Variants in NOM1 observed in about 807,000 individuals in gnomAD.
NOM1 encodes nucleolar protein with MIF4G domain 1.
NOM1 carries 58 observed loss-of-function variants against 73.3 expected under a neutral mutation model. The observed-to-expected ratio is 0.79, with a 90% confidence interval of 0.64 to 0.99. The LOEUF (loss-of-function observed/expected upper bound fraction) is 0.99, where lower values mean the gene tolerates loss of function less well. Ranked by LOEUF, NOM1 falls within the 50% of genes least tolerant of loss-of-function variation. The pLI is 0.00. For missense variants in NOM1, 1,226 were observed against 1,131.9 expected (o/e 1.08, Z -1.19); for synonymous variants, 487 against 446.8 (o/e 1.09, Z -1.14).
chr7:156,955,605 G>A (rs574965864), intron 3 of NOM1, among the ~76,000 whole-genome samples: 3 of 152,034 alleles, frequency 2.0e-5, no homozygotes, highest in South Asian at 2.1e-4. Flanking sequence ...ATATACTTTC[G>A]TCTCCTCCTC....
At chr7:156,966,016 T>C in intron 7 of NOM1, 1 of 514,824 alleles carries the variant, frequency 1.9e-6, no homozygotes, top group South Asian at 2.8e-5. Flanking sequence ...AGCTGTCGAC[T>C]TTTGCAGCGA....
chr7:156,953,608 A>T (rs1023358570), intron 2 of NOM1, among the ~76,000 whole-genome samples: 1 of 151,692 alleles, frequency 6.6e-6, no homozygotes, highest in Non-Finnish European at 1.5e-5. Flanking sequence ...TGTCGAGTTC[A>T]GTATTAGCAC....
Position 156,950,675 on chromosome 7 carries a change from A to G in NOM1, c.938A>G (p.Asp313Gly). The change falls in exon 1 of 11, where the codon GAT becomes GGT. Residue 313 changes from aspartate (D) to glycine (G), a missense_variant. Asp to Gly is a moderately conservative substitution (Grantham distance 94). Coordinates refer to ENST00000275820, the MANE Select transcript of NOM1 (RefSeq NM_138400.2). The stretch of plus-strand genomic sequence containing the variant: ...GGGAAGAGAGTCCGTTTTGCAGAAG[A>G]TGAAGAAAAGAGTGAAAATTCCTCG... ...RRGKRVRFAE[D>G]EEKSENSSED... is the part of the protein sequence containing the mutation. 2 of 1,552,070 alleles carry G rather than the reference A, an allele frequency of 1.3e-6. No homozygotes were observed. Among genetic ancestry groups the G allele is most frequent in the Non-Finnish European group, 1.7e-6 (2 of 1,147,110 alleles).
chr7:156,957,647 T>C (rs6459718), intron 3 of NOM1, among the ~76,000 whole-genome samples: 118,041 of 151,656 alleles, frequency 0.78, 46,027 homozygotes, highest in Admixed American at 0.85. Context: ...TGGTGGCAGG[T>C]GCCTATAGTC....
At chr7:156,968,235 G>A (rs974929372) in intron 9 of NOM1, among the ~76,000 whole-genome samples, 3 of 152,156 alleles carry the variant, frequency 2.0e-5, no homozygotes, top group African/African-American at 7.2e-5. Flanking sequence ...CCCAGGCATT[G>A]CGCTCATCCT....
At chr7:156,960,796 C>G (rs1365994344) in intron 4 of NOM1, among the ~76,000 whole-genome samples, 1 of 152,070 alleles carries the variant, frequency 6.6e-6, no homozygotes. Flanking sequence ...CACTTTGACT[C>G]CAAGGCAGAA....
In NOM1 at chr7:156,970,531, C is replaced by T. The variant is rs982576712; in HGVS notation, c.*828C>T. 1.2e-4 allele frequency: 19 copies of T among 152,154 alleles called. No individual in the cohort carries two copies. The highest frequency in any genetic ancestry group is 4.6e-4 in the African/African-American group (19 of 41,384). 9.4% of individuals were successfully genotyped at this position (152,154 alleles called of 1,614,324 possible). ...TCAAGCGATTCTCCTGCCTCAGCCTCTTTAGCTGGGACTACAGGCGCACGC... is the reference window on the plus strand; with the variant it reads ...TCAAGCGATTCTCCTGCCTCAGCCTTTTTAGCTGGGACTACAGGCGCACGC... On this transcript the variant is annotated 3_prime_UTR_variant, in exon 11 of 11. Transcript: ENST00000275820.
At chr7:156,962,385 A>G (rs375255107) in intron 5 of NOM1, 124 bp downstream of exon 5, 1 of 786,138 alleles carries the variant, frequency 1.3e-6, no homozygotes. Context: ...GAGAGTGCTC[A>G]GAGGCAGAGT....
chr7:156,963,437 C>A (rs928107555), intron 6 of NOM1: 3 of 525,532 alleles, frequency 5.7e-6, no homozygotes, highest in Non-Finnish European at 1.0e-5. Flanking sequence ...GACCTGAACG[C>A]TCACGGGGCA....
At chr7:156,960,434 G>A (rs776764865) in intron 4 of NOM1, among the ~76,000 whole-genome samples, 1 of 152,190 alleles carries the variant, frequency 6.6e-6, no homozygotes, top group African/African-American at 2.4e-5. Flanking sequence ...AGGACATGGG[G>A]CTCTAGGGTC....
chr7:156,950,527 G>A lies in NOM1; in HGVS notation c.790G>A (p.Glu264Lys), dbSNP rs1804563720. Residue 264 changes from glutamate (E) to lysine (K), a missense_variant, in exon 1 of 11, where the codon GAG becomes AAG. By Grantham distance (56) the Glu-to-Lys change is moderately conservative (BLOSUM62 1). Transcript: ENST00000275820. ...CCAGGACGAAAGTGAGGAGGAGGAGGAGGGAGACGTAGAAAAGGAAAAGAA... is the reference window on the plus strand; with the variant it reads ...CCAGGACGAAAGTGAGGAGGAGGAGAAGGGAGACGTAGAAAAGGAAAAGAA... The part of the protein sequence containing the change: ...DSQDESEEEE[E>K]GDVEKEKKAQ... 6.2e-7 allele frequency: 1 copy of A among 1,614,136 alleles called. No individual in the cohort carries two copies. The highest frequency in any genetic ancestry group is 1.1e-5 in the South Asian group (1 of 91,090).
intron 4 of NOM1, 54 bp downstream of exon 4, chr7:156,960,228 C>T: frequency 1.4e-6 from 2 of 1,436,554 alleles, no homozygotes; most frequent in East Asian, 4.6e-5. Context: ...CACAAACTGG[C>T]CAGAACCTAA....
Position 156,949,735 on chromosome 7 carries a change from A to G in NOM1, c.-3A>G. The G allele has an allele frequency of 7.4e-7, 1 of 1,350,968 alleles. No homozygotes were observed. Among genetic ancestry groups the G allele is most frequent in the Non-Finnish European group, 9.5e-7 (1 of 1,056,554 alleles). The allele number at this position is 1,350,968 out of a possible 1,614,324, so 83.7% of individuals were successfully genotyped here. A position where few individuals can be genotyped will look rare whatever the true frequency, so the allele number is the denominator to read the frequency against. ...GAAGTCGTGCGTCCACGCGTTTCGA[A>G]AGATGGCGGCGTCCAGGAGCGCGGG... On this transcript the variant is annotated 5_prime_UTR_variant, in exon 1 of 11. Coordinates refer to ENST00000275820, the MANE Select transcript of NOM1 (RefSeq NM_138400.2).
At chr7:156,963,567 C>A (rs115149987) in intron 6 of NOM1, 56 of 372,490 alleles carry the variant, frequency 1.5e-4, no homozygotes, top group African/African-American at 1.1e-3. Context: ...CCTCGTTATC[C>A]CCTCATGTCC....
intron 9 of NOM1, among the ~76,000 whole-genome samples, chr7:156,967,815 G>A (rs1293676946): frequency 1.3e-5 from 2 of 152,096 alleles, no homozygotes; most frequent in Non-Finnish European, 2.9e-5. Flanking sequence ...GAGCCAGTGC[G>A]CCCAGCTGAA....
At chr7:156,962,282 T>C in intron 5 of NOM1, 21 bp downstream of exon 5, 2 of 1,581,242 alleles carry the variant, frequency 1.3e-6, no homozygotes, top group Non-Finnish European at 1.7e-6. Context: ...GAACTTTCAA[T>C]TCTGTTTTGC....
At chr7:156,966,014 A>C (rs1804986836) in intron 7 of NOM1, 2 of 511,134 alleles carry the variant, frequency 3.9e-6, no homozygotes, top group Non-Finnish European at 7.0e-6. Context: ...ACAGCTGTCG[A>C]CTTTTGCAGC....
intron 7 of NOM1, chr7:156,966,028 G>A (rs1804987243): frequency 7.7e-6 from 4 of 522,166 alleles, no homozygotes; most frequent in East Asian, 3.1e-5. Context: ...TTGCAGCGAC[G>A]GGGGACCCCC....
chr7:156,956,098 CAGG>C (rs1804719066), intron 3 of NOM1, among the ~76,000 whole-genome samples: 1 of 151,628 alleles, frequency 6.6e-6, no homozygotes, highest in East Asian at 1.9e-4. Context: ...GAGACTGAGG[CAGG>C]AGAATGGCGT....
Sources: gnomAD v4.1 joint callset for allele counts (sites outside exome capture counted in the v4.1 genomes callset) on GRCh38, gnomAD v4.1.1 for gene constraint, MANE v1.5 for transcripts, NCBI Gene and HGNC (gene_info 2026-07-23, HGNC 2026-07-21) for gene names.